The following ERBB4 variants were observed in gnomAD, a reference collection of about 807,000 sequenced individuals.
ERBB4 encodes erb-b2 receptor tyrosine kinase 4.
In ERBB4, 42 loss-of-function variants were observed where a neutral mutation model predicts 158.0. The observed-to-expected ratio is 0.27, with a 90% CI of 0.21 to 0.34. The LOEUF (loss-of-function observed/expected upper bound fraction) is 0.34, where lower values mean the gene tolerates loss of function less well. Among genes scored for constraint, ERBB4 ranks in the 10% least tolerant of loss-of-function variants. The pLI, the probability that ERBB4 is intolerant of heterozygous loss-of-function variation, is 1.00. For missense variants in ERBB4, 1,333 were observed against 1,624.1 expected, an observed-to-expected ratio of 0.82 and a Z score of 3.08; for synonymous variants, 583 against 558.7, an observed-to-expected ratio of 1.04 and a Z score of -0.61.
At chr2:212,451,538 G>T (rs1326601987) in intron 1 of ERBB4, among the ~76,000 whole-genome samples, 1 of 151,916 alleles carries the variant, frequency 6.6e-6, no homozygotes, top group African/African-American at 2.4e-5. Flanking sequence ...AAGTTGCTGT[G>T]GATTAAAAGA....
At chr2:211,833,574 G>A (rs1289057359) in intron 3 of ERBB4, among the ~76,000 whole-genome samples, 1 of 151,892 alleles carries the variant, frequency 6.6e-6, no homozygotes, top group African/African-American at 2.4e-5. Context: ...TCTTCCCTGA[G>A]GGATGGATAG....
intron 20 of ERBB4, among the ~76,000 whole-genome samples, chr2:211,457,888 G>T (rs967432292): frequency 2.6e-5 from 4 of 152,262 alleles, no homozygotes; most frequent in Non-Finnish European, 4.4e-5. Flanking sequence ...TAGAGGAACC[G>T]CTGGTCCACT....
At chr2:212,333,675 T>C (rs373225874) in intron 1 of ERBB4, among the ~76,000 whole-genome samples, 5 of 141,916 alleles carry the variant, frequency 3.5e-5, no homozygotes, top group Non-Finnish European at 7.7e-5. Context: ...GCCTGGGTGA[T>C]GGAGTGAGAT....
chr2:211,927,746 C>T (rs1002314474), intron 3 of ERBB4, among the ~76,000 whole-genome samples: 3 of 151,812 alleles, frequency 2.0e-5, no homozygotes, highest in African/African-American at 4.8e-5. Context: ...CCATATAGAG[C>T]TCAGTTTATT....
At chr2:212,462,085 T>C (rs941504330) in intron 1 of ERBB4, among the ~76,000 whole-genome samples, 3 of 150,950 alleles carry the variant, frequency 2.0e-5, no homozygotes, top group Non-Finnish European at 4.4e-5. Context: ...ATCTACCATA[T>C]ACAATATACA....
chr2:212,308,640 G>GA (rs1431187166), intron 1 of ERBB4, among the ~76,000 whole-genome samples: 3 of 150,868 alleles, frequency 2.0e-5, no homozygotes, highest in South Asian at 2.1e-4. Context: ...CAACTAAAGA[G>GA]AAAAAAGTTA....
intron 4 of ERBB4, among the ~76,000 whole-genome samples, chr2:211,774,363 C>T (rs894297407): frequency 7.2e-5 from 11 of 151,998 alleles, no homozygotes; most frequent in South Asian, 2.1e-4. Context: ...TGAGCCACTG[C>T]GCCAGGCCAA....
At position 211,512,167 on chromosome 2, in the gene ERBB4, G is replaced by T. The variant is rs560618137; in HGVS notation, c.2487+49736C>A. Reference sequence around the variant, plus strand: ...GAACTTTCACTGACTCTTGTGAACTGCAAGTTGAAGAACGAAAGTGCGCTC... The same window carrying T: ...GAACTTTCACTGACTCTTGTGAACTTCAAGTTGAAGAACGAAAGTGCGCTC... On this transcript the variant is annotated intron_variant, in intron 20 of 27. Transcript: ENST00000342788. 5.6e-4 allele frequency among the ~76,000 whole-genome samples: 85 copies of T among 152,254 alleles called. 1 individual carries two copies. Among genetic ancestry groups the T allele is most frequent in the African/African-American group, 2.0e-3 (85 of 41,552 alleles).
At chr2:211,472,315 T>C (rs1001890325) in intron 20 of ERBB4, among the ~76,000 whole-genome samples, 1 of 148,776 alleles carries the variant, frequency 6.7e-6, no homozygotes, top group Non-Finnish European at 1.5e-5. Flanking sequence ...AATCTTATTA[T>C]ATTAAATATA....
At chr2:212,110,568 G>A (rs1332156008) in intron 2 of ERBB4, among the ~76,000 whole-genome samples, 2 of 152,172 alleles carry the variant, frequency 1.3e-5, no homozygotes, top group African/African-American at 4.8e-5. Context: ...CCACACTAAG[G>A]CGAAGTCCAC....
chr2:211,849,950 T>C (rs2077678882), intron 3 of ERBB4, among the ~76,000 whole-genome samples: 1 of 92,932 alleles, frequency 1.1e-5, no homozygotes, highest in African/African-American at 3.9e-5. Context: ...ATCTCAGCTT[T>C]TAATCTCTTG....
At chr2:211,428,521 T>C in intron 21 of ERBB4, 38 bp from the exon 22 acceptor site, 1 of 1,133,814 alleles carries the variant, frequency 8.8e-7, no homozygotes, top group Non-Finnish European at 1.3e-6. Context: ...TAAAATTACA[T>C]TAAAAATTCA....
At chr2:212,406,727 G>A (rs1478663709) in intron 1 of ERBB4, among the ~76,000 whole-genome samples, 2 of 152,060 alleles carry the variant, frequency 1.3e-5, no homozygotes, top group Admixed American at 6.6e-5. Context: ...ATGTATTTGT[G>A]AGTCAATAGA....
intron 16 of ERBB4, among the ~76,000 whole-genome samples, chr2:211,631,467 A>T (rs2070128098): frequency 6.6e-6 from 1 of 152,246 alleles, no homozygotes; most frequent in Non-Finnish European, 1.5e-5. Flanking sequence ...AGGTTTGCAC[A>T]TGAAGCATTA....
intron 2 of ERBB4, among the ~76,000 whole-genome samples, chr2:212,042,524 G>A (rs1033578411): frequency 1.3e-5 from 2 of 151,994 alleles, no homozygotes; most frequent in African/African-American, 2.4e-5. Flanking sequence ...GGTGCTTTCC[G>A]TTATTATTTT....
At chr2:212,247,210 T>C (rs2084341309) in intron 1 of ERBB4, among the ~76,000 whole-genome samples, 1 of 152,198 alleles carries the variant, frequency 6.6e-6, no homozygotes, top group South Asian at 2.1e-4. Flanking sequence ...TATCTTCCAA[T>C]TAGTATCTGA....
At chr2:212,447,087 C>G (rs562940479) in intron 1 of ERBB4, among the ~76,000 whole-genome samples, 1 of 151,634 alleles carries the variant, frequency 6.6e-6, no homozygotes, top group Non-Finnish European at 1.5e-5. Flanking sequence ...AGCTCCGCCT[C>G]CTAGGTTCAC....
intron 2 of ERBB4, among the ~76,000 whole-genome samples, chr2:212,015,795 C>T (rs929195160): frequency 7.9e-5 from 12 of 152,046 alleles, no homozygotes; most frequent in Admixed American, 6.6e-5. Context: ...TGACCCACTG[C>T]CCTTAAAATG....
At chr2:211,816,642 T>C (rs74971459) in intron 3 of ERBB4, among the ~76,000 whole-genome samples, 2,247 of 152,032 alleles carry the variant, frequency 0.015, 52 homozygotes, top group African/African-American at 0.051. Context: ...GAAAAACTTA[T>C]TGACCATGTT....
Sources: allele counts gnomAD v4.1 joint callset (sites outside exome capture counted in the v4.1 genomes callset), GRCh38; gene constraint gnomAD v4.1.1; transcripts MANE v1.5; gene names NCBI Gene and HGNC (gene_info 2026-07-23, HGNC 2026-07-21).